Variants in NCKAP5 observed in about 807,000 individuals in gnomAD.
NCKAP5 encodes NCK associated protein 5, also known as nck-associated protein 5.
A neutral mutation model predicts 167.0 loss-of-function variants in NCKAP5; 92 were observed. That is an observed-to-expected ratio of 0.55 (90% confidence interval 0.47 to 0.66). The LOEUF (loss-of-function observed/expected upper bound fraction) is 0.66, where lower values mean the gene tolerates loss of function less well. Ranked by LOEUF, NCKAP5 falls within the 30% of genes least tolerant of loss-of-function variation. The pLI is 0.00. For missense variants in NCKAP5, 2,378 were observed against 2,315.0 expected (o/e 1.03, Z -0.56); for synonymous variants, 891 against 877.4 (o/e 1.02, Z -0.27).
intron 4 of NCKAP5, 109 bp from the exon 5 acceptor site, chr2:133,213,888 T>G: frequency 1.0e-6 from 1 of 962,982 alleles, no homozygotes; most frequent in Non-Finnish European, 1.6e-6. Context: ...CTTCCTTGGT[T>G]TAGCTCACTT....
intron 3 of NCKAP5, among the ~76,000 whole-genome samples, chr2:133,365,089 T>C (rs1175364272): frequency 1.3e-5 from 2 of 152,084 alleles, no homozygotes; most frequent in African/African-American, 4.8e-5. Flanking sequence ...CTCAATAAAC[T>C]GACAGGTACC....
intron 6 of NCKAP5, among the ~76,000 whole-genome samples, chr2:133,093,139 T>A (rs908958283): frequency 2.0e-5 from 3 of 152,182 alleles, no homozygotes; most frequent in African/African-American, 7.2e-5. Flanking sequence ...ACAAGGTAAT[T>A]AAGCAATAAA....
chr2:132,714,320 T>A (rs1689149054), intron 19 of NCKAP5, among the ~76,000 whole-genome samples: 1 of 152,224 alleles, frequency 6.6e-6, no homozygotes, highest in African/African-American at 2.4e-5. Context: ...CCCTCTGACA[T>A]CCTCAACCTT....
At chr2:133,383,342 T>C (rs1276986580) in intron 3 of NCKAP5, among the ~76,000 whole-genome samples, 2 of 152,204 alleles carry the variant, frequency 1.3e-5, no homozygotes, top group Non-Finnish European at 2.9e-5. Flanking sequence ...TGCGATCGTA[T>C]GCTGAGAATG....
chr2:132,783,474 A>G lies in NCKAP5; in HGVS notation c.3337T>C (p.Ser1113Pro), dbSNP rs766628490. ...SFLGVNESPS[S>P]QVSSSSSSSS... is the part of the protein sequence containing the mutation. Reference sequence around the variant, plus strand: ...GATGATGAGGAACTGCTGACCTGAGATGATGGTGACTCATTTACCCCTAAG... The same window carrying G: ...GATGATGAGGAACTGCTGACCTGAGGTGATGGTGACTCATTTACCCCTAAG... The change falls in exon 14 of 20, where the codon TCT becomes CCT. Residue 1113 changes from serine to proline, a missense_variant. This residue lies in a region of NCKAP5 where 1,325 missense variants were observed against 1,274.5 expected (regional missense o/e 1.04). Transcript: ENST00000409261. 9 of 1,595,870 alleles carry G rather than the reference A, an allele frequency of 5.6e-6. No individual in the cohort carries two copies. Among genetic ancestry groups the G allele is most frequent in the African/African-American group, 4.0e-5 (3 of 74,278 alleles).
chr2:133,118,529 A>G (rs1210458558), intron 6 of NCKAP5: 1 of 152,160 alleles, frequency 6.6e-6, no homozygotes, highest in Non-Finnish European at 1.5e-5. Context: ...TTCACCATTT[A>G]TTGTGCACCT....
chr2:133,611,614 A>G, the NCKAP5 span, among the ~76,000 whole-genome samples: 112 of 152,270 alleles, frequency 7.4e-4, no homozygotes, highest in African/African-American at 2.6e-3. Flanking sequence ...AGCCCTCATG[A>G]AATGACATGA....
chr2:133,110,993 A>G (rs2081890099), intron 6 of NCKAP5, among the ~76,000 whole-genome samples: 1 of 151,890 alleles, frequency 6.6e-6, no homozygotes, highest in African/African-American at 2.4e-5. Flanking sequence ...TGGTGTCTCT[A>G]CCTCTTGTTA....
chr2:132,962,444 T>C (rs1238620131), intron 8 of NCKAP5, among the ~76,000 whole-genome samples: 1 of 152,152 alleles, frequency 6.6e-6, no homozygotes, highest in Non-Finnish European at 1.5e-5. Context: ...GAATTGAGCT[T>C]CAAAGTGCAT....
intron 8 of NCKAP5, among the ~76,000 whole-genome samples, chr2:132,885,223 C>A (rs1692121975): frequency 1.3e-5 from 2 of 151,480 alleles, no homozygotes; most frequent in African/African-American, 2.4e-5. Flanking sequence ...GGAAAAAAAA[C>A]CCTCTTAACT....
At chr2:132,879,243 G>T (rs1691562100) in intron 8 of NCKAP5, among the ~76,000 whole-genome samples, 1 of 152,174 alleles carries the variant, frequency 6.6e-6, no homozygotes, top group Admixed American at 6.5e-5. Flanking sequence ...GTAAATGGGA[G>T]AAATGCCTTA....
chr2:132,992,326 G>A (rs915945901), intron 7 of NCKAP5, among the ~76,000 whole-genome samples: 5 of 152,146 alleles, frequency 3.3e-5, no homozygotes, highest in East Asian at 1.9e-4. Flanking sequence ...GCAGCTTTCC[G>A]TTTCGCAAAA....
At chr2:133,054,649 G>T (rs936226763) in intron 6 of NCKAP5, among the ~76,000 whole-genome samples, 1 of 152,186 alleles carries the variant, frequency 6.6e-6, no homozygotes, top group Non-Finnish European at 1.5e-5. Flanking sequence ...GTGACGAAGA[G>T]AATTTAAAGA....
chr2:132,883,374 T>C lies in NCKAP5; in HGVS notation c.580-4458A>G, dbSNP rs972228126. On this transcript the variant is annotated intron_variant, in intron 8 of 19. Transcript: ENST00000409261. ...AGGGTATATCATTTTCACACAGGCT[T>C]CTTCCACCTTTGCCCCCACCCTTGG... Among the ~76,000 whole-genome samples, 3 of 152,170 alleles carry C rather than the reference T, an allele frequency of 2.0e-5. No homozygotes were observed. In the East Asian group the frequency reaches 5.8e-4, roughly 29 times the overall value.
chr2:133,039,967 A>T (rs181593368), intron 6 of NCKAP5, among the ~76,000 whole-genome samples: 54 of 152,344 alleles, frequency 3.5e-4, no homozygotes, highest in Middle Eastern at 3.4e-3. Flanking sequence ...AAATATTTTA[A>T]ACATATCCTT....
At chr2:133,508,327 T>A (rs1683199791) in intron 3 of NCKAP5, among the ~76,000 whole-genome samples, 1 of 152,184 alleles carries the variant, frequency 6.6e-6, no homozygotes, top group Admixed American at 6.5e-5. Flanking sequence ...GCCCTCCTCC[T>A]TGGGGAAGCC....
intron 3 of NCKAP5, among the ~76,000 whole-genome samples, chr2:133,514,272 T>C (rs528792067): frequency 6.6e-6 from 1 of 152,144 alleles, no homozygotes; most frequent in East Asian, 1.9e-4. Flanking sequence ...TTTAAAAGGG[T>C]GAATAATAAA....
At chr2:133,194,448 A>G (rs2085353092) in intron 5 of NCKAP5, among the ~76,000 whole-genome samples, 1 of 151,962 alleles carries the variant, frequency 6.6e-6, no homozygotes, top group African/African-American at 2.4e-5. Flanking sequence ...TGGCTTCCTG[A>G]CTTCTTAGTT....
chr2:133,433,971 T>C (rs1690316775), intron 3 of NCKAP5: 1 of 152,172 alleles, frequency 6.6e-6, no homozygotes, highest in South Asian at 2.1e-4. Flanking sequence ...CAACTCATAA[T>C]AGGGCCCAAG....
Sources: allele counts gnomAD v4.1 joint callset (sites outside exome capture counted in the v4.1 genomes callset), GRCh38; gene constraint gnomAD v4.1.1; regional missense constraint gnomAD v4.1.1; transcripts MANE v1.5; gene names NCBI Gene and HGNC (gene_info 2026-07-23, HGNC 2026-07-21).